RBFOX1: variants seen among roughly 807,000 people sequenced by gnomAD.
RBFOX1 encodes the protein RNA binding protein fox-1 homolog 1.
In RBFOX1, 8 loss-of-function variants were observed where a neutral mutation model predicts 57.7. The observed-to-expected ratio is 0.14, with a 90% CI of 0.08 to 0.25. The LOEUF (loss-of-function observed/expected upper bound fraction) is 0.25. Ranked by LOEUF, RBFOX1 falls within the 10% of genes least tolerant of loss-of-function variation. The pLI is 1.00. For missense variants in RBFOX1, 611 were observed against 548.5 expected, an observed-to-expected ratio of 1.11 and a Z score of -1.14; for synonymous variants, 326 against 222.4, an observed-to-expected ratio of 1.47 and a Z score of -4.15.
intron 3 of RBFOX1, among the ~76,000 whole-genome samples, chr16:6,764,564 C>G (rs1265071987): frequency 6.6e-6 from 1 of 152,084 alleles, no homozygotes; most frequent in Non-Finnish European, 1.5e-5. Flanking sequence ...GTTTCTGTCC[C>G]CATGGGACTT....
intron 3 of RBFOX1, among the ~76,000 whole-genome samples, chr16:6,784,525 A>G (rs937901175): frequency 2.0e-5 from 3 of 152,170 alleles, no homozygotes; most frequent in East Asian, 1.9e-4. Flanking sequence ...CTTCTATGTT[A>G]TCTCCAAGTT....
chr16:6,867,546 T>G (rs2060154156), intron 3 of RBFOX1, among the ~76,000 whole-genome samples: 1 of 151,874 alleles, frequency 6.6e-6, no homozygotes, highest in African/African-American at 2.4e-5. Flanking sequence ...TGGCAAAACC[T>G]CATCTCTACT....
chr16:6,763,330 A>G (rs912650504), intron 3 of RBFOX1, among the ~76,000 whole-genome samples: 2 of 8,556 alleles, frequency 2.3e-4, no homozygotes, highest in Non-Finnish European at 0.019. Context: ...GTCAGGCTAG[A>G]CACTTGTAAG....
At chr16:5,883,721 T>C (rs1392265849) in intron 4 of RBFOX1, among the ~76,000 whole-genome samples, 2 of 152,190 alleles carry the variant, frequency 1.3e-5, no homozygotes, top group Non-Finnish European at 2.9e-5. Flanking sequence ...TATAGGCAGC[T>C]AAGCAGTGAT....
intron 4 of RBFOX1, among the ~76,000 whole-genome samples, chr16:7,142,884 A>G (rs964002104): frequency 7.3e-5 from 11 of 150,980 alleles, no homozygotes; most frequent in African/African-American, 2.2e-4. Context: ...CTTTTCCTTA[A>G]TATCATCTGC....
At position 7,486,290 on chromosome 16, in the gene RBFOX1, C is replaced by T. The variant is rs188530464; in HGVS notation, c.28-31857C>T. On this transcript the variant is annotated intron_variant, in intron 4 of 15. Transcript: ENST00000550418. ...GTCCTCCTGAGAACCTGCCACCACGCCTGGTTCATTTTTGTTTTTTTTGGT... is the reference window on the plus strand; with the variant it reads ...GTCCTCCTGAGAACCTGCCACCACGTCTGGTTCATTTTTGTTTTTTTTGGT... 7.0e-3 allele frequency among the ~76,000 whole-genome samples: 1,054 copies of T among 150,042 alleles called. 8 individuals carry two copies. The highest frequency in any genetic ancestry group is 7.8e-3 in the Non-Finnish European group (522 of 67,174).
chr16:5,958,610 T>A (rs146520076), intron 4 of RBFOX1, among the ~76,000 whole-genome samples: 1,755 of 152,354 alleles, frequency 0.012, 22 homozygotes, highest in Non-Finnish European at 0.016. Context: ...TCCTTTTCTG[T>A]TGTAACAAAT....
intron 3 of RBFOX1, among the ~76,000 whole-genome samples, chr16:5,741,650 C>T (rs1216994331): frequency 6.6e-6 from 1 of 152,184 alleles, no homozygotes; most frequent in Non-Finnish European, 1.5e-5. Context: ...ACACATATAT[C>T]ACCATTACAT....
intron 1 of RBFOX1, among the ~76,000 whole-genome samples, chr16:5,284,850 A>G (rs1465575171): frequency 1.5e-5 from 2 of 134,858 alleles, no homozygotes; most frequent in Non-Finnish European, 3.1e-5. Context: ...CCTGATGGAG[A>G]TTCTCTTATA....
chr16:7,098,478 C>G lies in RBFOX1; in HGVS notation c.27+46380C>G, dbSNP rs1040167845. ...AGCTACTGTGCCAGGTAGGCAAAAA[C>G]TCTTATTCTATTCATTCATTTGTAA... On this transcript the variant is annotated intron_variant, in intron 4 of 15. Transcript: ENST00000550418. 5.9e-5 allele frequency among the ~76,000 whole-genome samples: 9 copies of G among 152,152 alleles called. No homozygotes were observed. The South Asian group carries it at 1.9e-3, about 32-fold the overall frequency.
At chr16:7,608,510 C>G (rs899784220) in intron 10 of RBFOX1, among the ~76,000 whole-genome samples, 1 of 152,214 alleles carries the variant, frequency 6.6e-6, no homozygotes, top group Non-Finnish European at 1.5e-5. Context: ...TGTGTTCACT[C>G]TTGTGGGGGA....
chr16:6,832,137 G>A (rs1303079993), intron 3 of RBFOX1, among the ~76,000 whole-genome samples: 4 of 152,186 alleles, frequency 2.6e-5, no homozygotes, highest in Non-Finnish European at 4.4e-5. Flanking sequence ...ATATTTCAAA[G>A]CCTGCGATTC....
chr16:5,821,028 T>G (rs2055833646), intron 3 of RBFOX1, among the ~76,000 whole-genome samples: 1 of 152,102 alleles, frequency 6.6e-6, no homozygotes, highest in South Asian at 2.1e-4. Flanking sequence ...TGCCTGATTT[T>G]CCCTCGTTTC....
intron 4 of RBFOX1, among the ~76,000 whole-genome samples, chr16:7,196,833 A>C (rs1337584807): frequency 6.6e-6 from 1 of 152,170 alleles, no homozygotes; most frequent in Non-Finnish European, 1.5e-5. Flanking sequence ...GTTTCAAGCA[A>C]AGAGGACAGC....
chr16:5,793,585 C>T (rs1414436387), intron 3 of RBFOX1, among the ~76,000 whole-genome samples: 1 of 152,182 alleles, frequency 6.6e-6, no homozygotes, highest in Non-Finnish European at 1.5e-5. Context: ...CCCCAGGCCC[C>T]TCTCTTCACC....
intron 2 of RBFOX1, among the ~76,000 whole-genome samples, chr16:6,537,985 T>C (rs1431228931): frequency 6.6e-6 from 1 of 151,932 alleles, no homozygotes; most frequent in African/African-American, 2.4e-5. Flanking sequence ...TGCAGATTAA[T>C]TCTATCTTTG....
chr16:6,834,173 A>C (rs1246388512), intron 3 of RBFOX1, among the ~76,000 whole-genome samples: 1 of 151,844 alleles, frequency 6.6e-6, no homozygotes, highest in African/African-American at 2.4e-5. Flanking sequence ...TCCCCAGTTC[A>C]AGTGATTGTC....
At chr16:7,300,111 T>A (rs2095996125) in intron 4 of RBFOX1, among the ~76,000 whole-genome samples, 1 of 152,182 alleles carries the variant, frequency 6.6e-6, no homozygotes, top group East Asian at 1.9e-4. Context: ...TACCCTGGTT[T>A]CCCTAATTCC....
intron 5 of RBFOX1, among the ~76,000 whole-genome samples, chr16:7,528,350 G>A (rs930965289): frequency 1.3e-5 from 2 of 152,130 alleles, no homozygotes; most frequent in African/African-American, 2.4e-5. Context: ...TTTTTGGTTA[G>A]GTCCTTCAAA....
Sources: gnomAD v4.1 joint callset for allele counts (sites outside exome capture counted in the v4.1 genomes callset) on GRCh38, gnomAD v4.1.1 for gene constraint, MANE v1.5 for transcripts, NCBI Gene and HGNC (gene_info 2026-07-23, HGNC 2026-07-21) for gene names.